Variants in TMC2 observed in about 807,000 individuals in gnomAD.
TMC2 encodes the protein transmembrane channel-like protein 2.
TMC2 carries 102 observed loss-of-function variants against 105.9 expected under a neutral mutation model. The observed-to-expected ratio is 0.96, with a 90% CI of 0.82 to 1.14. The LOEUF (loss-of-function observed/expected upper bound fraction) is 1.14, where lower values mean the gene tolerates loss of function less well. TMC2 is among the 50% of genes most tolerant of loss of function. The pLI is 0.00. For missense variants in TMC2, 1,093 were observed against 1,134.3 expected, an observed-to-expected ratio of 0.96 and a Z score of 0.52; for synonymous variants, 402 against 422.8, an observed-to-expected ratio of 0.95 and a Z score of 0.60.
chr20:2,567,453 C>A (rs2086072226), intron 4 of TMC2, among the ~76,000 whole-genome samples: 1 of 152,146 alleles, frequency 6.6e-6, no homozygotes, highest in African/African-American at 2.4e-5. Flanking sequence ...GCTTGCCATA[C>A]CAAGAACCAG....
chr20:2,641,183 G>A lies in TMC2; in HGVS notation c.2553G>A (p.Ala851=), dbSNP rs771877148. 1.8e-5 allele frequency: 29 copies of A among 1,613,944 alleles called. No homozygotes were observed. Among genetic ancestry groups the A allele is most frequent in the African/African-American group, 6.7e-5 (5 of 74,832 alleles). The change falls in exon 20 of 20, where the codon GCG becomes GCA. Residue 851 remains alanine, a synonymous_variant. Transcript: ENST00000358864. ...AAAGCCAGGCCATGGACAAGAAGGC[G>A]CAGGGCCCTGGGACCTCCAATTCTG... ...ASQSQAMDKK[A]QGPGTSNSAS...
At chr20:2,639,146 C>T (rs552640090) in intron 19 of TMC2, among the ~76,000 whole-genome samples, 3 of 152,334 alleles carry the variant, frequency 2.0e-5, no homozygotes, top group Non-Finnish European at 4.4e-5. Flanking sequence ...CCGCCCGCCT[C>T]GGCCTCCCAA....
At chr20:2,581,672 T>C (rs57017794) in intron 7 of TMC2, among the ~76,000 whole-genome samples, 5,535 of 152,320 alleles carry the variant, frequency 0.036, 312 homozygotes, top group African/African-American at 0.12. Flanking sequence ...AGAGAGCACA[T>C]TTAAATGCCA....
chr20:2,589,604 C>T (rs1007346736), intron 7 of TMC2, among the ~76,000 whole-genome samples: 1 of 152,088 alleles, frequency 6.6e-6, no homozygotes, highest in Non-Finnish European at 1.5e-5. Context: ...GTCCACTTGT[C>T]TAGTTGTTCT....
At chr20:2,619,040 C>T (rs1479197543) in intron 16 of TMC2, among the ~76,000 whole-genome samples, 1 of 152,184 alleles carries the variant, frequency 6.6e-6, no homozygotes, top group African/African-American at 2.4e-5. Context: ...TCACCCGCCT[C>T]ACTCTAGTCC....
chr20:2,633,382 T>C (rs187435206), intron 17 of TMC2, among the ~76,000 whole-genome samples: 5 of 152,328 alleles, frequency 3.3e-5, no homozygotes, highest in Admixed American at 1.3e-4. Flanking sequence ...TCTCTATAGA[T>C]TCCCAGGAAT....
intron 9 of TMC2, among the ~76,000 whole-genome samples, chr20:2,596,717 ATGTGTGTGTGTG>A (rs35925886): frequency 1.4e-5 from 2 of 146,128 alleles, no homozygotes; most frequent in Admixed American, 1.4e-4. Flanking sequence ...AAAAATATAT[ATGTGTGTGTGTG>A]TGTGTGTGTG....
At chr20:2,609,489 A>T (rs1045691516) in intron 11 of TMC2, among the ~76,000 whole-genome samples, 1 of 152,230 alleles carries the variant, frequency 6.6e-6, no homozygotes, top group East Asian at 1.9e-4. Flanking sequence ...TTTCCTTAGG[A>T]TGCAGGCTCA....
intron 7 of TMC2, among the ~76,000 whole-genome samples, chr20:2,581,998 G>A (rs1337210915): frequency 1.3e-5 from 2 of 152,080 alleles, no homozygotes; most frequent in Non-Finnish European, 2.9e-5. Flanking sequence ...GAGATGCTTT[G>A]CTGGAAAGAG....
rs186806134 is a variant in TMC2 at position 2,573,729 on chromosome 20, T to G, written c.645+1460T>G. ...GCGCCCGCCACCACGCCCGGCTAAT[T>G]TTTTGTGTTTTTAGTAGAGACGGGG... On this transcript the variant is annotated intron_variant, in intron 5 of 19. Coordinates refer to ENST00000358864, the MANE Select transcript of TMC2 (RefSeq NM_080751.3). Among the ~76,000 whole-genome samples the G allele has an allele frequency of 1.5e-3, 219 of 144,304 alleles. 5 individuals are homozygous for G. The highest frequency in any genetic ancestry group is 0.012 in the Admixed American group (176 of 14,854). 94.7% of individuals were successfully genotyped at this position (144,304 alleles called of 152,430 possible). A position where few individuals can be genotyped will look rare whatever the true frequency, so the allele number is the denominator to read the frequency against.
intron 2 of TMC2, among the ~76,000 whole-genome samples, chr20:2,542,460 C>A (rs2085896054): frequency 6.6e-6 from 1 of 152,000 alleles, no homozygotes. Context: ...AGAGGGAGAC[C>A]CCTTCCAAAT....
intron 3 of TMC2, among the ~76,000 whole-genome samples, chr20:2,559,032 C>T (rs1300503122): frequency 6.6e-6 from 1 of 152,070 alleles, no homozygotes; most frequent in Non-Finnish European, 1.5e-5. Flanking sequence ...TCGTGGCACC[C>T]GGTGAGGCGG....
At chr20:2,608,342 A>ATTATTATTATTT (rs1171627673) in intron 11 of TMC2, among the ~76,000 whole-genome samples, 8 of 142,446 alleles carry the variant, frequency 5.6e-5, no homozygotes, top group Non-Finnish European at 7.6e-5. Context: ...TATTATTATT[A>ATTATTATTATTT]TTTGAGATGA....
chr20:2,579,913 C>A, intron 6 of TMC2, 37 bp from the exon 7 acceptor site: 1 of 1,433,368 alleles, frequency 7.0e-7, no homozygotes, highest in Non-Finnish European at 9.8e-7. Flanking sequence ...TTTTTTCCTT[C>A]TGCAGCACTC....
intron 13 of TMC2, among the ~76,000 whole-genome samples, 189 bp from the exon 14 acceptor site, chr20:2,613,005 G>C (rs770740563): frequency 1.3e-5 from 2 of 152,234 alleles, no homozygotes; most frequent in African/African-American, 2.4e-5. Flanking sequence ...GTAATGTGGA[G>C]CTGGGACCTA....
chr20:2,597,344 C>T, intron 10 of TMC2, 46 bp downstream of exon 10: 1 of 1,583,264 alleles, frequency 6.3e-7, no homozygotes, highest in Non-Finnish European at 8.6e-7. Context: ...CTCTAGGTCC[C>T]TCTGGTCATT....
intron 8 of TMC2, among the ~76,000 whole-genome samples, chr20:2,594,378 C>T (rs1387451317): frequency 6.6e-6 from 1 of 152,016 alleles, no homozygotes; most frequent in Non-Finnish European, 1.5e-5. Context: ...CAGGCACCTG[C>T]TATTACACCT....
At chr20:2,636,107 C>A in intron 18 of TMC2, 103 bp downstream of exon 18, 1 of 941,164 alleles carries the variant, frequency 1.1e-6, no homozygotes, top group Non-Finnish European at 1.7e-6. Context: ...AAATGGCTTT[C>A]TTCTAAACCA....
chr20:2,587,769 A>T (rs1424595541), intron 7 of TMC2, among the ~76,000 whole-genome samples: 1 of 152,184 alleles, frequency 6.6e-6, no homozygotes, highest in Non-Finnish European at 1.5e-5. Context: ...CTTAAAATCT[A>T]TTCTCATAGC....
Sources: gnomAD v4.1 joint callset for allele counts (sites outside exome capture counted in the v4.1 genomes callset) on GRCh38, gnomAD v4.1.1 for gene constraint, MANE v1.5 for transcripts, NCBI Gene and HGNC (gene_info 2026-07-23, HGNC 2026-07-21) for gene names.